Variants in ZNF503 observed in about 807,000 individuals in gnomAD.
The protein encoded by ZNF503 is zinc finger protein 503.
A neutral mutation model predicts 34.4 loss-of-function variants in ZNF503; 15 were observed. The ratio of observed to expected loss-of-function variants is 0.44; its 90% confidence interval spans 0.29 to 0.67. The LOEUF is 0.67. Ranked by LOEUF, ZNF503 falls within the 30% of genes least tolerant of loss-of-function variation. The probability of loss-of-function intolerance (pLI) is 0.13; values close to 1 mark genes in which losing one functional copy is unlikely to be tolerated. For missense variants in ZNF503, 1,007 were observed against 926.8 expected (o/e 1.09, Z -1.12); for synonymous variants, 580 against 456.8 (o/e 1.27, Z -3.44).
At chr10:75,315,335 G>C in the ZNF503 span, among the ~76,000 whole-genome samples, 1 of 152,204 alleles carries the variant, frequency 6.6e-6, no homozygotes, top group African/African-American at 2.4e-5. Context: ...ATCCCAGCCT[G>C]AGTGATAGAG....
the ZNF503 span, among the ~76,000 whole-genome samples, chr10:75,346,437 T>C: frequency 6.6e-6 from 1 of 151,964 alleles, no homozygotes; most frequent in African/African-American, 2.4e-5. Context: ...ATCTTTTTTC[T>C]TTTCTTTTTT....
chr10:75,391,077 C>A, the ZNF503 span, among the ~76,000 whole-genome samples: 1 of 152,164 alleles, frequency 6.6e-6, no homozygotes, highest in Non-Finnish European at 1.5e-5. Context: ...TCCTAACAGC[C>A]CTATTTCCAA....
chr10:75,383,533 T>G, the ZNF503 span, among the ~76,000 whole-genome samples: 1 of 152,188 alleles, frequency 6.6e-6, no homozygotes, highest in Admixed American at 6.5e-5. Context: ...TCCTGAGCTC[T>G]GTGGGCCGCC....
chr10:75,400,314 G>A lies in ZNF503; in HGVS notation c.376C>T (p.Pro126Ser). 6.2e-7 allele frequency: 1 copy of A among 1,612,828 alleles called. No individual in the cohort carries two copies. Among genetic ancestry groups the A allele is most frequent in the African/African-American group, 1.3e-5 (1 of 75,036 alleles). ...AGTTTGGAGGAGGGCGAGGGGTCGG[G>A]CTTCCCGATCTGCGAACATGTTTGC... is the stretch of plus-strand genomic sequence containing the variant. The part of the protein sequence containing the change: ...LAQTCSQIGK[P>S]DPSPSSKLSS... The change falls in exon 2 of 2, where the codon CCC becomes TCC. Residue 126 changes from proline (P) to serine (S), a missense_variant. Pro to Ser is a moderately conservative substitution (Grantham distance 74). Transcript: ENST00000372524.
chr10:75,282,482 T>C, the ZNF503 span, among the ~76,000 whole-genome samples: 5 of 152,246 alleles, frequency 3.3e-5, no homozygotes, highest in Admixed American at 6.5e-5. Context: ...GAAGTCATCA[T>C]TGAGCTGCTC....
chr10:75,340,270 G>GTC, the ZNF503 span, among the ~76,000 whole-genome samples: 12 of 152,084 alleles, frequency 7.9e-5, no homozygotes, highest in South Asian at 2.1e-4. Context: ...AATAATAATA[G>GTC]TCACACACAC....
downstream of ZNF503, among the ~76,000 whole-genome samples, chr10:75,395,131 A>G (rs1843682138): frequency 6.6e-6 from 1 of 152,214 alleles, no homozygotes; most frequent in Admixed American, 6.5e-5. The surrounding 1 kb of genome is among the most constrained non-coding windows in gnomAD (Gnocchi z 4.4). Flanking sequence ...GAGGGAGTGA[A>G]TGAATGCAGG....
the ZNF503 span, among the ~76,000 whole-genome samples, chr10:75,371,486 G>T: frequency 6.6e-6 from 1 of 152,154 alleles, no homozygotes; most frequent in South Asian, 2.1e-4. Flanking sequence ...CACTGCCAAA[G>T]ATCTTTTCCT....
downstream of ZNF503, chr10:75,397,781 C>A (rs1240576266): frequency 2.0e-5 from 3 of 152,482 alleles, no homozygotes; most frequent in Admixed American, 6.5e-5. Context: ...GAACCCACTG[C>A]GGCCGAAACT....
the ZNF503 span, among the ~76,000 whole-genome samples, chr10:75,280,556 G>A: frequency 3.0e-5 from 1 of 33,740 alleles, no homozygotes; most frequent in East Asian, 6.8e-4. Flanking sequence ...GTGTGTATGC[G>A]TGTGTGTGTG....
chr10:75,327,144 C>T, the ZNF503 span, among the ~76,000 whole-genome samples: 1 of 152,164 alleles, frequency 6.6e-6, no homozygotes, highest in Non-Finnish European at 1.5e-5. Context: ...GTTAATTATA[C>T]TTACCCTGTA....
At chr10:75,348,959 ACTCTCT>A in the ZNF503 span, among the ~76,000 whole-genome samples, 2 of 149,632 alleles carry the variant, frequency 1.3e-5, no homozygotes, top group East Asian at 2.0e-4. Flanking sequence ...TTTGCTATAT[ACTCTCT>A]CTCTCTCTCT....
the ZNF503 span, among the ~76,000 whole-genome samples, chr10:75,289,452 T>C: frequency 6.6e-6 from 1 of 152,172 alleles, no homozygotes. Context: ...ACACTGAAAA[T>C]GGTTTGTCTC....
the ZNF503 span, among the ~76,000 whole-genome samples, chr10:75,322,573 T>C: frequency 2.0e-5 from 3 of 152,146 alleles, no homozygotes; most frequent in African/African-American, 7.2e-5. Flanking sequence ...CTCATGCTTA[T>C]AATACCAGCA....
the ZNF503 span, among the ~76,000 whole-genome samples, chr10:75,318,834 A>G: frequency 6.6e-6 from 1 of 152,098 alleles, no homozygotes; most frequent in Non-Finnish European, 1.5e-5. Context: ...AAAATATAAT[A>G]GGCTTTCCTC....
the ZNF503 span, among the ~76,000 whole-genome samples, chr10:75,383,125 C>T: frequency 9.2e-5 from 14 of 152,158 alleles, no homozygotes; most frequent in Non-Finnish European, 1.5e-4. Flanking sequence ...GTTGGAAGCC[C>T]GAGGGGCCCA....
the ZNF503 span, among the ~76,000 whole-genome samples, chr10:75,340,477 T>C: frequency 6.6e-6 from 1 of 152,222 alleles, no homozygotes; most frequent in Non-Finnish European, 1.5e-5. Flanking sequence ...CATGATAGTT[T>C]TGTTCACAAT....
At chr10:75,377,735 C>G in the ZNF503 span, among the ~76,000 whole-genome samples, 2 of 152,170 alleles carry the variant, frequency 1.3e-5, no homozygotes, top group Admixed American at 6.5e-5. Flanking sequence ...GCAGGGAATA[C>G]CATTGTGCAA....
the ZNF503 span, among the ~76,000 whole-genome samples, chr10:75,369,865 G>A: frequency 7.2e-5 from 11 of 152,092 alleles, no homozygotes; most frequent in East Asian, 1.9e-4. Flanking sequence ...CCAGGAGTTC[G>A]AGACCAGCCT....
Sources: allele counts gnomAD v4.1 joint callset (sites outside exome capture counted in the v4.1 genomes callset), GRCh38; gene constraint gnomAD v4.1.1; non-coding constraint Gnocchi (gnomAD v3.1); transcripts MANE v1.5; gene names NCBI Gene and HGNC (gene_info 2026-07-23, HGNC 2026-07-21).